The following FAM184B variants were observed in gnomAD, a reference collection of about 807,000 sequenced individuals.
FAM184B encodes family with sequence similarity 184 member B.
In FAM184B, 111 loss-of-function variants were observed where a neutral mutation model predicts 135.9. The ratio of observed to expected loss-of-function variants is 0.82; its 90% CI spans 0.70 to 0.96. FAM184B has a LOEUF of 0.96. Among genes scored for constraint, FAM184B ranks in the 40% least tolerant of loss-of-function variants. The pLI, the probability that FAM184B is intolerant of heterozygous loss-of-function variation, is 0.00. For synonymous variants in FAM184B, 552 were observed against 524.8 expected (o/e 1.05, Z -0.71); for missense variants, 1,375 against 1,323.9 (o/e 1.04, Z -0.60).
At chr4:17,741,475 C>T (rs542361006) in intron 1 of FAM184B, among the ~76,000 whole-genome samples, 111 of 151,958 alleles carry the variant, frequency 7.3e-4, no homozygotes, top group Non-Finnish European at 1.3e-3. Context: ...AGGTGGATCA[C>T]CTGAGGTCAG....
chr4:17,695,159 G>T (rs62295636), intron 5 of FAM184B, among the ~76,000 whole-genome samples: 90,825 of 129,954 alleles, frequency 0.7, 28,187 homozygotes, highest in East Asian at 0.93. Flanking sequence ...GTTTTTCTTT[G>T]TTGTTTTTTT....
At chr4:17,748,233 C>G (rs1718218124) in intron 1 of FAM184B, among the ~76,000 whole-genome samples, 1 of 151,850 alleles carries the variant, frequency 6.6e-6, no homozygotes, top group Non-Finnish European at 1.5e-5. Context: ...GGTGTCCACT[C>G]TTGCTCTCTG....
intron 5 of FAM184B, among the ~76,000 whole-genome samples, chr4:17,699,301 G>T (rs529842776): frequency 2.2e-5 from 2 of 91,194 alleles, no homozygotes; most frequent in African/African-American, 7.1e-5. Flanking sequence ...GAAAAGAAAT[G>T]GAAGAAATGG....
chr4:17,661,765 C>T (rs531639898), intron 8 of FAM184B, among the ~76,000 whole-genome samples: 11 of 152,296 alleles, frequency 7.2e-5, no homozygotes, highest in Middle Eastern at 3.4e-3. Context: ...GAGGAGCAGC[C>T]TCGGTCAAGA....
chr4:17,669,223 C>T (rs1235097577), intron 7 of FAM184B, among the ~76,000 whole-genome samples: 1 of 152,114 alleles, frequency 6.6e-6, no homozygotes, highest in Non-Finnish European at 1.5e-5. Flanking sequence ...TACATGTGAA[C>T]CAGAGGCTAA....
intron 1 of FAM184B, among the ~76,000 whole-genome samples, chr4:17,735,192 G>A (rs966389091): frequency 6.7e-6 from 1 of 149,074 alleles, no homozygotes; most frequent in African/African-American, 2.5e-5. Flanking sequence ...GGGGTGGGGG[G>A]ATGGGGGAGG....
chr4:17,647,035 G>A (rs1715486248), intron 12 of FAM184B, among the ~76,000 whole-genome samples: 1 of 152,140 alleles, frequency 6.6e-6, no homozygotes, highest in African/African-American at 2.4e-5. Flanking sequence ...CAGAGGAGTA[G>A]CCCAGACCAG....
chr4:17,673,629 T>C (rs537896463), intron 7 of FAM184B, among the ~76,000 whole-genome samples: 3 of 152,260 alleles, frequency 2.0e-5, no homozygotes, highest in South Asian at 2.1e-4. Flanking sequence ...CTGGATGAGA[T>C]TGGAGATATT....
chr4:17,659,488 T>G (rs757058978), intron 9 of FAM184B, among the ~76,000 whole-genome samples: 2 of 150,502 alleles, frequency 1.3e-5, no homozygotes, highest in Non-Finnish European at 3.0e-5. Context: ...GCACAACAGG[T>G]TTTTTATTTT....
intron 1 of FAM184B, among the ~76,000 whole-genome samples, chr4:17,753,169 G>A (rs962202259): frequency 5.9e-5 from 9 of 152,162 alleles, no homozygotes; most frequent in African/African-American, 1.9e-4. Flanking sequence ...TACCCCAAAT[G>A]GACCTCCATT....
intron 3 of FAM184B, among the ~76,000 whole-genome samples, 176 bp downstream of exon 3, chr4:17,707,473 G>A (rs1318564915): frequency 6.6e-6 from 1 of 152,182 alleles, no homozygotes; most frequent in Non-Finnish European, 1.5e-5. Flanking sequence ...TGAGGCAGCT[G>A]TAGTTGTCAG....
intron 1 of FAM184B, among the ~76,000 whole-genome samples, chr4:17,769,827 T>C (rs368710345): frequency 6.6e-6 from 1 of 152,204 alleles, no homozygotes; most frequent in South Asian, 2.1e-4. Flanking sequence ...GGCACTGTTC[T>C]AGGCACTGGG....
rs1035361094 is a variant in FAM184B at position 17,733,488 on chromosome 4, C to T, written c.142-23844G>A. Among the ~76,000 whole-genome samples, 97 of 152,208 alleles carry T rather than the reference C, an allele frequency of 6.4e-4. 1 individual carries two copies. Among genetic ancestry groups the T allele is most frequent in the African/African-American group, 2.1e-3 (89 of 41,456 alleles). ...CTGATAAGCAACTTCAGCAAAGTCT[C>T]AGGGTACAAAATCAATGTACAAAAA... On this transcript the variant is annotated intron_variant, in intron 1 of 17. Transcript: ENST00000265018.
chr4:17,638,074 TTGCCAC>T (rs1347548010), intron 14 of FAM184B, among the ~76,000 whole-genome samples: 1 of 150,542 alleles, frequency 6.6e-6, no homozygotes, highest in Non-Finnish European at 1.5e-5. Context: ...TTGCCCACCC[TTGCCAC>T]TCCCAATCCT....
chr4:17,772,862 T>C (rs1158327010), intron 1 of FAM184B, among the ~76,000 whole-genome samples: 3 of 152,226 alleles, frequency 2.0e-5, no homozygotes, highest in Non-Finnish European at 4.4e-5. Context: ...AATTGATGTG[T>C]AGAAGACAAT....
intron 5 of FAM184B, among the ~76,000 whole-genome samples, chr4:17,696,263 T>C (rs1183019101): frequency 6.6e-6 from 1 of 152,200 alleles, no homozygotes; most frequent in African/African-American, 2.4e-5. Flanking sequence ...GCCTGATTGG[T>C]TGACTGTGCT....
chr4:17,635,639 A>T (rs899036118), intron 15 of FAM184B, among the ~76,000 whole-genome samples: 3 of 151,500 alleles, frequency 2.0e-5, no homozygotes, highest in African/African-American at 7.3e-5. Flanking sequence ...CTCTGTAAAA[A>T]CATCAGTATG....
At chr4:17,663,046 C>T (rs1041930522) in intron 8 of FAM184B, among the ~76,000 whole-genome samples, 4 of 152,286 alleles carry the variant, frequency 2.6e-5, no homozygotes, top group South Asian at 2.1e-4. Context: ...AGCAATCCTC[C>T]GACCTCAGCC....
At chr4:17,668,098 A>G (rs1488613449) in intron 7 of FAM184B, among the ~76,000 whole-genome samples, 1 of 152,218 alleles carries the variant, frequency 6.6e-6, no homozygotes, top group East Asian at 1.9e-4. Flanking sequence ...CTGCATTAGC[A>G]AAGGTGGAGC....
Sources: allele counts gnomAD v4.1 joint callset (sites outside exome capture counted in the v4.1 genomes callset), GRCh38; gene constraint gnomAD v4.1.1; transcripts MANE v1.5; gene names NCBI Gene and HGNC (gene_info 2026-07-23, HGNC 2026-07-21).